The following ZNF124 variants were observed in gnomAD, a reference collection of about 807,000 sequenced individuals.
The protein encoded by ZNF124 is zinc finger protein 124.
In ZNF124, 25 loss-of-function variants were observed where a neutral mutation model predicts 26.6. The ratio of observed to expected loss-of-function variants is 0.94; its 90% CI spans 0.68 to 1.31. The LOEUF (loss-of-function observed/expected upper bound fraction) is 1.31. ZNF124 is among the 40% of genes most tolerant of loss of function. ZNF124 has a pLI of 0.00. For synonymous variants in ZNF124, 129 were observed against 133.3 expected (o/e 0.97, Z 0.22); for missense variants, 444 against 422.2 (o/e 1.05, Z -0.45).
intron 1 of ZNF124, among the ~76,000 whole-genome samples, chr1:247,165,995 T>C (rs114882343): frequency 0.029 from 4,463 of 152,064 alleles, 221 homozygotes; most frequent in African/African-American, 0.1. Flanking sequence ...TTGGACAATA[T>C]AGTGAGACAT....
At chr1:247,158,967 C>T (rs1177709939) in intron 3 of ZNF124, 39 bp downstream of exon 3, 21 of 1,578,658 alleles carry the variant, frequency 1.3e-5, no homozygotes, top group Non-Finnish European at 1.7e-5. Context: ...CTACAATTGA[C>T]CCCAAGGGGG....
Position 247,159,842 on chromosome 1 carries a change from T to C in ZNF124, c.31-29A>G, listed in dbSNP as rs201328245. The C allele has an allele frequency of 4.4e-4, 696 of 1,590,712 alleles. 5 individuals carry two copies. The African/African-American group carries it at 8.5e-3, about 19-fold the overall frequency. On this transcript the variant is annotated intron_variant, in intron 1 of 3. Transcript: ENST00000543802. ...AAATATTCCACATTTTTGTAGAGGA[T>C]GGATGAGACTGAAAGCACTGGAAAT...
At chr1:247,125,644 C>G (rs570259898) in intron 3 of ZNF124, among the ~76,000 whole-genome samples, 1 of 119,848 alleles carries the variant, frequency 8.3e-6, no homozygotes, top group African/African-American at 3.3e-5. Flanking sequence ...ATTCGCCAGG[C>G]TGGTCTCCAA....
downstream of ZNF124, among the ~76,000 whole-genome samples, chr1:247,150,911 TAA>T (rs1280274672): frequency 6.6e-5 from 10 of 151,666 alleles, no homozygotes; most frequent in African/African-American, 2.4e-4. Context: ...TTATTAAAAT[TAA>T]GAGCTTATTA....
intron 3 of ZNF124, among the ~76,000 whole-genome samples, chr1:247,132,177 G>A (rs1055705528): frequency 2.0e-5 from 3 of 152,076 alleles, no homozygotes; most frequent in African/African-American, 7.3e-5. Context: ...AACTGAGGCA[G>A]CCCTACAGAA....
chr1:247,169,390 TC>T (rs1673965650), intron 1 of ZNF124, among the ~76,000 whole-genome samples: 1 of 152,224 alleles, frequency 6.6e-6, no homozygotes. Flanking sequence ...TGTGTCATCT[TC>T]CTGGGAAGAA....
At chr1:247,158,059 G>A (rs1208791480) in intron 3 of ZNF124, among the ~76,000 whole-genome samples, 4 of 152,060 alleles carry the variant, frequency 2.6e-5, no homozygotes, top group Non-Finnish European at 5.9e-5. Flanking sequence ...AGACCAGCCT[G>A]GCCAACATGG....
At chr1:247,163,247 G>T (rs550599571) in intron 1 of ZNF124, among the ~76,000 whole-genome samples, 17 of 151,506 alleles carry the variant, frequency 1.1e-4, no homozygotes, top group Non-Finnish European at 2.2e-4. Flanking sequence ...AGGAACTAAA[G>T]AAACAAGAGC....
downstream of ZNF124, among the ~76,000 whole-genome samples, chr1:247,151,922 A>G (rs1411118323): frequency 6.6e-6 from 1 of 152,136 alleles, no homozygotes; most frequent in African/African-American, 2.4e-5. Flanking sequence ...TGATGTTTAT[A>G]TAAAGTATAA....
At chr1:247,139,729 A>G (rs1224292353) in intron 3 of ZNF124, among the ~76,000 whole-genome samples, 3 of 152,126 alleles carry the variant, frequency 2.0e-5, no homozygotes, top group Non-Finnish European at 4.4e-5. Context: ...TCTGAAAAGG[A>G]TCTTATTTCC....
intron 3 of ZNF124, among the ~76,000 whole-genome samples, chr1:247,157,972 G>A (rs781713543): frequency 1.2e-4 from 18 of 150,244 alleles, no homozygotes; most frequent in African/African-American, 2.2e-4. Context: ...AAAAATGGTC[G>A]GGCATGGTGG....
intron 3 of ZNF124, among the ~76,000 whole-genome samples, chr1:247,137,738 A>T (rs1452616982): frequency 6.6e-6 from 1 of 152,184 alleles, no homozygotes; most frequent in Non-Finnish European, 1.5e-5. Context: ...TCCAGAATTT[A>T]CAAGGAACTT....
chr1:247,170,368 AGTATGAGG>A (rs1202617956), intron 1 of ZNF124, among the ~76,000 whole-genome samples: 1 of 143,516 alleles, frequency 7.0e-6, no homozygotes, highest in African/African-American at 2.5e-5. Context: ...GGAGTTTGAG[AGTATGAGG>A]AAGAAACTGG....
In ZNF124 at chr1:247,159,793, A is replaced by C. The variant is rs780019512; in HGVS notation, c.51T>G (p.Asp17Glu). 6.2e-7 allele frequency: 1 copy of C among 1,613,360 alleles called. No homozygotes were observed. Among genetic ancestry groups the C allele is most frequent in the East Asian group, 2.2e-5 (1 of 44,856 alleles). ...CCTCCTGGGTGAAGTTCACAGCCAC[A>C]TCCTCAAAGGCAACCGAGTTCTAAA... The part of the protein sequence containing the change: ...SWEMNSVAFE[D>E]VAVNFTQEEW... The change falls in exon 2 of 4, where the codon GAT (aspartate) becomes GAG (glutamate). Residue 17 changes from aspartate to glutamate, a missense_variant. Asp to Glu is a conservative substitution (Grantham distance 45, BLOSUM62 2). Transcript: ENST00000543802.
At chr1:247,124,320 A>C (rs1222818144) in intron 3 of ZNF124, among the ~76,000 whole-genome samples, 1 of 151,374 alleles carries the variant, frequency 6.6e-6, no homozygotes, top group Admixed American at 6.6e-5. Flanking sequence ...TCTCCTGCCT[A>C]AGTCTCCTGC....
intron 1 of ZNF124, among the ~76,000 whole-genome samples, chr1:247,162,745 A>G (rs999795946): frequency 6.6e-6 from 1 of 152,150 alleles, no homozygotes; most frequent in African/African-American, 2.4e-5. Context: ...AGACCTAACT[A>G]TCCTAAATAC....
At chr1:247,134,322 G>A (rs1180094458) in intron 3 of ZNF124, among the ~76,000 whole-genome samples, 2 of 152,146 alleles carry the variant, frequency 1.3e-5, no homozygotes, top group African/African-American at 2.4e-5. Context: ...ATTGGATAAC[G>A]AGTCAAGACT....
At chr1:247,140,974 A>C (rs1414405124) in intron 3 of ZNF124, among the ~76,000 whole-genome samples, 2 of 152,144 alleles carry the variant, frequency 1.3e-5, no homozygotes, top group African/African-American at 4.8e-5. Context: ...CTCAGGGCTT[A>C]TGTTCCTCCC....
At chr1:247,159,906 C>T (rs571461612) in intron 1 of ZNF124, 93 bp from the exon 2 acceptor site, 115 of 1,442,878 alleles carry the variant, frequency 8.0e-5, no homozygotes, top group Middle Eastern at 5.7e-4. Flanking sequence ...GATTCTGTGG[C>T]GAACATTTAT....
Sources: allele counts gnomAD v4.1 joint callset (sites outside exome capture counted in the v4.1 genomes callset), GRCh38; gene constraint gnomAD v4.1.1; transcripts MANE v1.5; gene names NCBI Gene and HGNC (gene_info 2026-07-23, HGNC 2026-07-21).